The following MCPH1 variants were observed in gnomAD, a reference collection of about 807,000 sequenced individuals.
MCPH1 encodes microcephalin.
In MCPH1, 104 loss-of-function variants were observed where a neutral mutation model predicts 84.5. That is an observed-to-expected ratio of 1.23 (90% CI 1.05 to 1.45). MCPH1 has a LOEUF of 1.45. Ranked by LOEUF, MCPH1 falls within the 40% of genes most tolerant of loss-of-function variation. MCPH1 has a pLI of 0.00. For synonymous variants in MCPH1, 514 were observed against 366.8 expected (o/e 1.40, Z -4.58); for missense variants, 1,498 against 1,005.7 (o/e 1.49, Z -6.62).
At chr8:6,428,418 T>C (rs1033692448) in intron 3 of MCPH1, among the ~76,000 whole-genome samples, 1 of 152,196 alleles carries the variant, frequency 6.6e-6, no homozygotes, top group Non-Finnish European at 1.5e-5. Flanking sequence ...AAGGTTGTTA[T>C]GCGGCATATA....
intron 11 of MCPH1, among the ~76,000 whole-genome samples, chr8:6,494,702 A>G (rs980664388): frequency 1.3e-5 from 2 of 152,210 alleles, no homozygotes; most frequent in Non-Finnish European, 2.9e-5. Context: ...AGGTAAATCC[A>G]TAGAATAGAA....
At chr8:6,528,598 C>G (rs902316316) in intron 12 of MCPH1, among the ~76,000 whole-genome samples, 3 of 152,232 alleles carry the variant, frequency 2.0e-5, no homozygotes, top group African/African-American at 7.2e-5. Context: ...CCGTGCGGGC[C>G]TTTGTGAGCT....
At chr8:6,625,086 G>A in intron 13 of MCPH1, 1 of 658,628 alleles carries the variant, frequency 1.5e-6, no homozygotes, top group South Asian at 6.8e-5. Context: ...TGTTGGCCAG[G>A]CTGGTCTCAA....
chr8:6,480,882 C>A lies in MCPH1; in HGVS notation c.2136+6C>A, dbSNP rs1220120222. The A allele has an allele frequency of 6.2e-7, 1 of 1,613,708 alleles. No individual in the cohort carries two copies. Among genetic ancestry groups the A allele is most frequent in the Non-Finnish European group, 8.5e-7 (1 of 1,180,016 alleles). ...GGGTTCTCTCTTATGATTGGGTAAGCCCTGTGTGTGAACTGCGTATTTTAA... is the reference window on the plus strand; with the variant it reads ...GGGTTCTCTCTTATGATTGGGTAAGACCTGTGTGTGAACTGCGTATTTTAA... On this transcript the variant is annotated splice_donor_region_variant and intron_variant, in intron 11 of 13. Transcript: ENST00000344683.
chr8:6,456,206 A>G (rs1183929549), intron 9 of MCPH1, among the ~76,000 whole-genome samples: 1 of 152,190 alleles, frequency 6.6e-6, no homozygotes, highest in Non-Finnish European at 1.5e-5. Context: ...TTTCAGGTAA[A>G]GCAACAGATG....
intron 8 of MCPH1, among the ~76,000 whole-genome samples, chr8:6,451,229 G>A (rs772194060): frequency 2.0e-5 from 3 of 152,188 alleles, no homozygotes; most frequent in African/African-American, 4.8e-5. Flanking sequence ...CTTGATGTGG[G>A]TTAGTCAGTC....
intron 12 of MCPH1, chr8:6,616,101 A>G (rs2129579947): frequency 6.6e-6 from 1 of 152,270 alleles, no homozygotes; most frequent in East Asian, 1.9e-4. Context: ...ATCTAAGGTG[A>G]CTTGACTGTA....
intron 3 of MCPH1, among the ~76,000 whole-genome samples, chr8:6,427,953 C>T (rs564601569): frequency 5.3e-5 from 8 of 151,938 alleles, no homozygotes; most frequent in South Asian, 2.1e-4. Flanking sequence ...CCACCACGCC[C>T]GGCTAATTTT....
At chr8:6,454,103 C>A (rs1267820040) in intron 8 of MCPH1, among the ~76,000 whole-genome samples, 1 of 152,210 alleles carries the variant, frequency 6.6e-6, no homozygotes, top group East Asian at 1.9e-4. Flanking sequence ...AGCATTTTAT[C>A]TGCAAAGAAG....
chr8:6,567,068 G>A (rs1252608953), intron 12 of MCPH1, among the ~76,000 whole-genome samples: 24 of 144,350 alleles, frequency 1.7e-4, no homozygotes, highest in Admixed American at 1.4e-4. Context: ...GATAGTGCAC[G>A]CGGTGTGGTG....
intron 12 of MCPH1, among the ~76,000 whole-genome samples, chr8:6,503,956 G>C (rs1457762918): frequency 1.3e-5 from 2 of 152,144 alleles, no homozygotes; most frequent in African/African-American, 2.4e-5. Flanking sequence ...TGCTATTTTT[G>C]CTTTCTGCAC....
intron 12 of MCPH1, among the ~76,000 whole-genome samples, chr8:6,595,230 T>C (rs1828827781): frequency 6.6e-6 from 1 of 152,090 alleles, no homozygotes. Context: ...GAGGCAAGGA[T>C]CCCTGTCCAC....
intron 12 of MCPH1, among the ~76,000 whole-genome samples, chr8:6,549,738 G>C (rs1014941275): frequency 6.6e-6 from 1 of 152,156 alleles, no homozygotes; most frequent in Non-Finnish European, 1.5e-5. Flanking sequence ...ATGAGGAGGG[G>C]CGTGAGGGAG....
At chr8:6,493,466 G>T (rs1270316000) in intron 11 of MCPH1, among the ~76,000 whole-genome samples, 2 of 152,202 alleles carry the variant, frequency 1.3e-5, no homozygotes, top group Non-Finnish European at 2.9e-5. Flanking sequence ...AAAGGGAAAT[G>T]GGTTCTTAAC....
intron 10 of MCPH1, 89 bp downstream of exon 10, chr8:6,477,720 C>G: frequency 2.0e-6 from 2 of 975,700 alleles, no homozygotes; most frequent in Non-Finnish European, 3.3e-6. Context: ...GGCAACTTGT[C>G]AATCTGTCCT....
At chr8:6,530,143 G>C (rs1351875381) in intron 12 of MCPH1, among the ~76,000 whole-genome samples, 1 of 152,062 alleles carries the variant, frequency 6.6e-6, no homozygotes, top group Non-Finnish European at 1.5e-5. Flanking sequence ...ATCAGTGTTA[G>C]TATCAAAAGG....
chr8:6,583,071 T>C (rs941084497), intron 12 of MCPH1, among the ~76,000 whole-genome samples: 9 of 152,116 alleles, frequency 5.9e-5, no homozygotes, highest in Non-Finnish European at 2.9e-5. Flanking sequence ...CAACCAAAAC[T>C]CCTGGGGTAA....
intron 13 of MCPH1, chr8:6,625,114 ATCC>A (rs1485150256): frequency 1.2e-6 from 1 of 856,298 alleles, no homozygotes; most frequent in Non-Finnish European, 1.4e-6. Context: ...ACCTCAAGTG[ATCC>A]TCCTGCCTCG....
chr8:6,539,328 G>A (rs560758419), intron 12 of MCPH1, among the ~76,000 whole-genome samples: 1 of 152,326 alleles, frequency 6.6e-6, no homozygotes, highest in Admixed American at 6.5e-5. Context: ...CTTGCCATCT[G>A]TTGACTGTTT....
Sources: gnomAD v4.1 joint callset for allele counts (sites outside exome capture counted in the v4.1 genomes callset) on GRCh38, gnomAD v4.1.1 for gene constraint, MANE v1.5 for transcripts, NCBI Gene and HGNC (gene_info 2026-07-23, HGNC 2026-07-21) for gene names.